Variants in POM121 observed in about 807,000 individuals in gnomAD.
The protein encoded by POM121 is nuclear envelope pore membrane protein POM 121.
A neutral mutation model predicts 81.3 loss-of-function variants in POM121; 32 were observed. The observed-to-expected ratio is 0.39, with a 90% CI of 0.30 to 0.53. The LOEUF (loss-of-function observed/expected upper bound fraction) is 0.53. Among genes scored for constraint, POM121 ranks in the 20% least tolerant of loss-of-function variants. POM121 has a pLI of 0.66. For missense variants in POM121, 1,138 were observed against 1,614.6 expected (o/e 0.70, Z 5.06); for synonymous variants, 514 against 694.2 (o/e 0.74, Z 4.08).
intron 5 of POM121, 143 bp from the exon 6 acceptor site, chr7:72,938,447 T>C (rs1796734089): frequency 3.9e-6 from 4 of 1,038,430 alleles, no homozygotes; most frequent in Admixed American, 2.1e-5. Flanking sequence ...CACCTTGGCC[T>C]CCCAGCATGC....
chr7:72,948,879 G>A (rs371536133), downstream of POM121: 25 of 1,607,290 alleles, frequency 1.6e-5, no homozygotes, highest in Admixed American at 2.0e-4. Context: ...CGACCCTGGC[G>A]CACGCCCTGT....
chr7:72,919,687 G>C lies in POM121; in HGVS notation c.-152+5859G>C, dbSNP rs183283994. Among the ~76,000 whole-genome samples the C allele has an allele frequency of 1.5e-3, 227 of 152,080 alleles. 1 individual carries two copies. The highest frequency in any genetic ancestry group is 1.9e-3 in the Non-Finnish European group (131 of 67,986). The stretch of plus-strand genomic sequence containing the variant: ...TTTAGAGACAGGTTCTTACTATGTT[G>C]CCCGGGCTGGTCTCGAACTCTGAGG... On this transcript the variant is annotated intron_variant, in intron 4 of 15. Coordinates refer to the POM121 transcript ENST00000395270.
downstream of POM121, chr7:72,950,799 TG>T (rs1797983944): frequency 2.0e-5 from 1 of 50,610 alleles, no homozygotes; most frequent in African/African-American, 9.4e-5. Context: ...TATTCCACCC[TG>T]GTGTCCAAGC....
intron 5 of POM121, among the ~76,000 whole-genome samples, chr7:72,932,175 A>C (rs1447556313): frequency 6.7e-6 from 1 of 149,396 alleles, no homozygotes; most frequent in Non-Finnish European, 1.5e-5. Flanking sequence ...GTTTCAAAAA[A>C]AATACACTAA....
chr7:72,911,822 C>T (rs1330036535), intron 3 of POM121, among the ~76,000 whole-genome samples: 4 of 152,216 alleles, frequency 2.6e-5, no homozygotes, highest in Admixed American at 6.5e-5. Context: ...ACCTCAGCCT[C>T]AAGTAAAAGA....
At position 72,925,174 on chromosome 7, in the gene POM121, C is replaced by G. The variant is rs782291839; in HGVS notation, c.53C>G (p.Ala18Gly). 2 of 1,504,788 alleles carry G rather than the reference C, an allele frequency of 1.3e-6. No homozygotes were observed. Among genetic ancestry groups the G allele is most frequent in the Non-Finnish European group, 1.8e-6 (2 of 1,134,752 alleles). The allele number at this position is 1,504,788 out of a possible 1,614,324, so 93.2% of individuals were successfully genotyped here. A position where few individuals can be genotyped will look rare whatever the true frequency, so the allele number is the denominator to read the frequency against. Residue 18 changes from alanine to glycine, a missense_variant, in exon 1 of 13, where the codon GCG (alanine) becomes GGG (glycine). Transcript: ENST00000434423. ...AGAGERRRPI[A>G]SVRDGRGRGC... is the part of the protein sequence containing the mutation. ...GCAGGCGAGCGGCGGCGGCCCATAG[C>G]GAGTGTCAGGGACGGCCGGGGCCGG...
In POM121 at chr7:72,933,626, T is replaced by C. The variant is rs1796235509; in HGVS notation, c.1275+3515T>C. 2.0e-5 allele frequency among the ~76,000 whole-genome samples: 3 copies of C among 152,174 alleles called. No homozygotes were observed. In the South Asian group the frequency reaches 6.2e-4, roughly 32 times the overall value. On this transcript the variant is annotated intron_variant, in intron 5 of 12. Coordinates refer to ENST00000434423, the MANE Select transcript of POM121 (RefSeq NM_001387691.1). ...TCCTCACGCGTTGCTGGTGGGAGTG[T>C]CAGTTGGTACAGCTCTCTAGAGGGC... is the stretch of plus-strand genomic sequence containing the variant.
intron 3 of POM121, among the ~76,000 whole-genome samples, chr7:72,907,803 G>A (rs537261751): frequency 3.9e-5 from 6 of 152,202 alleles, no homozygotes; most frequent in South Asian, 2.1e-4. Context: ...GAGCCACCGC[G>A]CCCAGCCTCT....
At chr7:72,945,489 C>T (rs1269469903) in intron 11 of POM121, 97 bp from the exon 12 acceptor site, 5 of 1,455,400 alleles carry the variant, frequency 3.4e-6, no homozygotes, top group East Asian at 2.4e-5. Context: ...GCTGAGGGTC[C>T]CGTGGGAAGT....
chr7:72,929,537 G>A (rs1241275561), intron 4 of POM121, among the ~76,000 whole-genome samples: 1 of 151,982 alleles, frequency 6.6e-6, no homozygotes, highest in Non-Finnish European at 1.5e-5. Flanking sequence ...AAAATAGACC[G>A]TACTTGTTTA....
At chr7:72,882,373 A>G (rs535166553) in intron 1 of POM121, among the ~76,000 whole-genome samples, 3 of 152,212 alleles carry the variant, frequency 2.0e-5, no homozygotes, top group Non-Finnish European at 4.4e-5. Context: ...CACCGAAACC[A>G]TATCACCATC....
intron 1 of POM121, among the ~76,000 whole-genome samples, chr7:72,880,385 A>G (rs1554489134): frequency 1.3e-5 from 2 of 152,190 alleles, no homozygotes; most frequent in Non-Finnish European, 1.5e-5. Context: ...AGCTGCTCAT[A>G]GTAGAACCCA....
At chr7:72,950,211 C>G (rs1431313491), downstream of POM121, 5 of 1,608,534 alleles carry the variant, frequency 3.1e-6, no homozygotes, top group Non-Finnish European at 4.2e-6. Flanking sequence ...CAGGGAAGAA[C>G]CATTCATTCA....
chr7:72,925,070 C>T (rs4078617), upstream of POM121: 5 of 1,357,236 alleles, frequency 3.7e-6, no homozygotes, highest in Non-Finnish European at 3.8e-6. Context: ...ACGCGACGCG[C>T]GGCGCGGTGC....
At chr7:72,926,060 G>T (rs1483330244) in intron 1 of POM121, among the ~76,000 whole-genome samples, 1 of 152,136 alleles carries the variant, frequency 6.6e-6, no homozygotes, top group Non-Finnish European at 1.5e-5. Context: ...GAAATCCATT[G>T]TTGAGACAGC....
At chr7:72,887,934 C>G (rs1194156951) in intron 1 of POM121, among the ~76,000 whole-genome samples, 3 of 152,176 alleles carry the variant, frequency 2.0e-5, no homozygotes, top group African/African-American at 7.2e-5. Context: ...TTGGTGTGTG[C>G]TGTTTCAGGT....
chr7:72,949,606 A>T, downstream of POM121: 1 of 674,526 alleles, frequency 1.5e-6, no homozygotes. Flanking sequence ...CACAATATTG[A>T]AACAGCCTAT....
At chr7:72,944,948 C>T (rs376493475) in intron 11 of POM121, among the ~76,000 whole-genome samples, 2 of 152,168 alleles carry the variant, frequency 1.3e-5, no homozygotes, top group East Asian at 3.9e-4. Flanking sequence ...TGACAGGTGA[C>T]ATGAGGACAT....
intron 7 of POM121, 86 bp from the exon 8 acceptor site, chr7:72,939,761 T>C: frequency 6.2e-7 from 1 of 1,610,536 alleles, no homozygotes; most frequent in South Asian, 1.1e-5. Flanking sequence ...CATTGAAAAC[T>C]CAATGTGAAA....
Sources: allele counts gnomAD v4.1 joint callset (sites outside exome capture counted in the v4.1 genomes callset), GRCh38; gene constraint gnomAD v4.1.1; transcripts MANE v1.5; gene names NCBI Gene and HGNC (gene_info 2026-07-23, HGNC 2026-07-21).